SULT1E1: variants seen among roughly 807,000 people sequenced by gnomAD.
SULT1E1 encodes the protein sulfotransferase 1E1.
A neutral mutation model predicts 33.6 loss-of-function variants in SULT1E1; 36 were observed. The observed-to-expected ratio is 1.07, with a 90% confidence interval of 0.82 to 1.41. SULT1E1 has a LOEUF of 1.41. Among genes scored for constraint, SULT1E1 ranks in the 40% most tolerant of loss-of-function variants. SULT1E1 has a pLI of 0.00. For missense variants in SULT1E1, 371 were observed against 345.7 expected (o/e 1.07, Z -0.58); for synonymous variants, 121 against 111.7 (o/e 1.08, Z -0.53).
chr4:69,837,293 T>C (rs916078187), downstream of SULT1E1, among the ~76,000 whole-genome samples: 3 of 152,058 alleles, frequency 2.0e-5, no homozygotes. Flanking sequence ...TATTGAAGAG[T>C]TGTGACAATG....
chr4:69,852,242 C>T (rs1231904873), intron 4 of SULT1E1, among the ~76,000 whole-genome samples: 2 of 152,110 alleles, frequency 1.3e-5, no homozygotes, highest in African/African-American at 4.8e-5. Context: ...ATTTGAACAC[C>T]TGCCTCATGG....
the SULT1E1 span, among the ~76,000 whole-genome samples, chr4:69,828,867 T>C: frequency 2.0e-5 from 3 of 152,148 alleles, no homozygotes; most frequent in Non-Finnish European, 4.4e-5. Context: ...AGCAGTCCTC[T>C]TGGGTTGGGG....
At chr4:69,826,377 G>A in the SULT1E1 span, among the ~76,000 whole-genome samples, 1 of 152,122 alleles carries the variant, frequency 6.6e-6, no homozygotes, top group Non-Finnish European at 1.5e-5. Context: ...GCAGGTTTTT[G>A]AGAATGTGTT....
intron 1 of SULT1E1, among the ~76,000 whole-genome samples, chr4:69,858,660 C>A (rs539364565): frequency 1.3e-5 from 2 of 152,020 alleles, no homozygotes; most frequent in East Asian, 1.9e-4. Context: ...TTTTAAAAAA[C>A]CTTCCTCTAC....
At chr4:69,855,178 G>A in intron 3 of SULT1E1, 123 bp downstream of exon 3, 1 of 952,700 alleles carries the variant, frequency 1.0e-6, no homozygotes, top group Non-Finnish European at 1.5e-6. Flanking sequence ...AAATTTATAT[G>A]CTGTCTTATG....
In SULT1E1 at chr4:69,849,510, G is replaced by T. The variant is rs1220949195; in HGVS notation, c.423C>A (p.Phe141Leu). ...TTGGATGACCAGCCACCATTAGAAA[G>T]AAATAATAAAAGGAAACAGCCACAT... Reference protein sequence around the residue: ...AKDVAVSFYYFFLMVAGHPNP... With the variant: ...AKDVAVSFYYLFLMVAGHPNP... Residue 141 changes from phenylalanine (F) to leucine (L), a missense_variant, in exon 5 of 8, where the codon TTC becomes TTA. Phe to Leu is a conservative substitution (Grantham distance 22, BLOSUM62 0). Transcript: ENST00000226444. 7.4e-6 allele frequency: 12 copies of T among 1,611,120 alleles called. No homozygotes were observed. The highest frequency in any genetic ancestry group is 9.3e-6 in the Non-Finnish European group (11 of 1,178,068).
At chr4:69,829,669 G>T in the SULT1E1 span, among the ~76,000 whole-genome samples, 1 of 152,130 alleles carries the variant, frequency 6.6e-6, no homozygotes, top group African/African-American at 2.4e-5. Context: ...AAAGGAACTG[G>T]ACAATTTGGA....
chr4:69,838,183 T>C (rs1720824177), downstream of SULT1E1, among the ~76,000 whole-genome samples: 1 of 152,172 alleles, frequency 6.6e-6, no homozygotes, highest in African/African-American at 2.4e-5. Flanking sequence ...TTGTCAGTCT[T>C]TGTAGAGGTT....
rs537156440 is a variant in SULT1E1, at chr4:69,847,154, A to G, written c.591+544T>C. ...ACTATGTAGCCATGTCTAATCTATT[A>G]TTGAACCCATCTCTTAATTTTTCAT... is the stretch of plus-strand genomic sequence containing the variant. On this transcript the variant is annotated intron_variant, in intron 6 of 7. Transcript: ENST00000226444. Among the ~76,000 whole-genome samples, 29 of 151,844 alleles carry G rather than the reference A, an allele frequency of 1.9e-4. No homozygotes were observed. In the South Asian group the frequency reaches 5.0e-3, roughly 26 times the overall value.
the SULT1E1 span, among the ~76,000 whole-genome samples, chr4:69,835,468 A>G: frequency 3.3e-5 from 5 of 152,218 alleles, no homozygotes; most frequent in Admixed American, 6.5e-5. Context: ...AAAGATAACC[A>G]TTATGTCTAT....
chr4:69,841,117 A>G (rs1339202731), downstream of SULT1E1: 2 of 152,156 alleles, frequency 1.3e-5, no homozygotes, highest in East Asian at 3.9e-4. Context: ...CCCTATTTAT[A>G]TATTATTTCA....
In SULT1E1 at chr4:69,854,312, C is replaced by G. The variant is rs1039261878; in HGVS notation, c.274G>C (p.Val92Leu). 1.3e-6 allele frequency: 2 copies of G among 1,598,984 alleles called. No individual in the cohort carries two copies. Among genetic ancestry groups the G allele is most frequent in the South Asian group, 1.1e-5 (1 of 88,534 alleles). The change falls in exon 4 of 8, where the codon GTA (valine) becomes CTA (leucine). Residue 92 changes from valine (V) to leucine (L), a missense_variant and splice_region_variant. Val to Leu is a conservative substitution (Grantham distance 32). Transcript: ENST00000226444. ...ECRKENLMNGVKQLDEMNSPR... is the reference protein window; with the variant it reads ...ECRKENLMNGLKQLDEMNSPR... ...GAATTCATCTCATCTAATTGTTTTA[C>G]TCCTGATTTTTAAAAAAGTAAAGGT...
intron 7 of SULT1E1, 105 bp downstream of exon 7, chr4:69,844,056 C>T: frequency 2.0e-6 from 2 of 1,008,348 alleles, no homozygotes; most frequent in South Asian, 1.4e-5. Context: ...CTGAAGAAAA[C>T]TTAAGCTGGG....
chr4:69,854,028 C>T (rs540982119), intron 4 of SULT1E1, among the ~76,000 whole-genome samples, 189 bp downstream of exon 4: 5 of 152,214 alleles, frequency 3.3e-5, no homozygotes, highest in South Asian at 2.1e-4. Flanking sequence ...TTTAGAACCA[C>T]ATCTGGCAAA....
chr4:69,854,569 T>A (rs1055916667), intron 3 of SULT1E1, among the ~76,000 whole-genome samples: 5 of 151,860 alleles, frequency 3.3e-5, no homozygotes, highest in African/African-American at 1.2e-4. Flanking sequence ...TCACAAAAAT[T>A]AAAAATTAAA....
intron 2 of SULT1E1, among the ~76,000 whole-genome samples, chr4:69,856,245 G>A (rs1454838578): frequency 6.6e-6 from 1 of 152,236 alleles, no homozygotes; most frequent in Admixed American, 6.5e-5. Context: ...GAGGAGTTGG[G>A]GCTCAGGCAA....
At position 69,841,617 on chromosome 4, in the gene SULT1E1, G is replaced by A. The variant is rs1342212939; in HGVS notation, c.*377C>T. ...GCCTGTTGTTGCAGCTACTTGGGAAGCTTGAGCCCAGGAATTCAAGACCAG... is the reference window on the plus strand; with the variant it reads ...GCCTGTTGTTGCAGCTACTTGGGAAACTTGAGCCCAGGAATTCAAGACCAG... On this transcript the variant is annotated 3_prime_UTR_variant, in exon 8 of 8. Transcript: ENST00000226444. 1.3e-5 allele frequency: 2 copies of A among 157,458 alleles called. No individual in the cohort carries two copies. The highest frequency in any genetic ancestry group is 4.8e-5 in the African/African-American group (2 of 41,416). The allele number at this position is 157,458 out of a possible 1,614,324, so 9.8% of individuals were successfully genotyped here.
intron 4 of SULT1E1, among the ~76,000 whole-genome samples, chr4:69,851,380 G>A (rs932245734): frequency 9.2e-5 from 14 of 152,120 alleles, no homozygotes; most frequent in Admixed American, 3.9e-4. Flanking sequence ...AAAATGCTCA[G>A]CATCACTGGC....
At chr4:69,836,259 G>A (rs1050611957), downstream of SULT1E1, among the ~76,000 whole-genome samples, 6 of 152,136 alleles carry the variant, frequency 3.9e-5, no homozygotes, top group African/African-American at 1.4e-4. Context: ...AAGAGATAAT[G>A]AGTTTAAGTT....
Sources: gnomAD v4.1 joint callset for allele counts (sites outside exome capture counted in the v4.1 genomes callset) on GRCh38, gnomAD v4.1.1 for gene constraint, MANE v1.5 for transcripts, NCBI Gene and HGNC (gene_info 2026-07-23, HGNC 2026-07-21) for gene names.